AK9: variants seen among roughly 807,000 people sequenced by gnomAD.
The protein encoded by AK9 is adenylate kinase domain containing 1.
AK9 carries 191 observed loss-of-function variants against 239.6 expected under a neutral mutation model. That is an observed-to-expected ratio of 0.80 (90% CI 0.71 to 0.90). The LOEUF (loss-of-function observed/expected upper bound fraction) is 0.90, where lower values mean the gene tolerates loss of function less well. AK9 is among the 40% of genes least tolerant of loss of function. The pLI, the probability that AK9 is intolerant of heterozygous loss-of-function variation, is 0.00. For missense variants in AK9, 1,995 were observed against 2,214.7 expected (o/e 0.90, Z 1.99); for synonymous variants, 689 against 721.0 (o/e 0.96, Z 0.71).
At chr6:109,557,333 A>G (rs1437148841) in intron 24 of AK9, among the ~76,000 whole-genome samples, 1 of 151,976 alleles carries the variant, frequency 6.6e-6, no homozygotes, top group African/African-American at 2.4e-5. Flanking sequence ...TGTTACCGAG[A>G]GGGCTAGAGA....
intron 17 of AK9, among the ~76,000 whole-genome samples, chr6:109,599,136 T>C (rs1422083184): frequency 2.0e-5 from 3 of 152,360 alleles, no homozygotes; most frequent in African/African-American, 7.2e-5. Flanking sequence ...GTTTTAGACA[T>C]GAAGTCCTTG....
rs776339437 is a variant in AK9, at chr6:109,579,586, G to A, written c.2155C>T (p.Arg719Ter). ...EEELRLEEEN[R>*]RLLELMKVKA... Reference sequence around the variant, plus strand: ...ACTTTCATAAGTTCCAGTAGCCTTCGATTTTCTTCTTCGAGTCTCAATTCC... The same window carrying A: ...ACTTTCATAAGTTCCAGTAGCCTTCAATTTTCTTCTTCGAGTCTCAATTCC... The change falls in exon 20 of 41, where the codon CGA becomes TGA. Residue 719 changes from arginine (R) to a stop codon, truncating the protein, a stop_gained. Coordinates refer to ENST00000424296, the MANE Select transcript of AK9 (RefSeq NM_001145128.3). LOFTEE classifies it high-confidence loss of function. The A allele has an allele frequency of 5.2e-6, 8 of 1,551,270 alleles. No homozygotes were observed. In the East Asian group the frequency reaches 7.3e-5, roughly 14 times the overall value.
At chr6:109,650,390 A>G (rs567154619) in intron 8 of AK9, among the ~76,000 whole-genome samples, 10 of 151,620 alleles carry the variant, frequency 6.6e-5, no homozygotes, top group African/African-American at 1.9e-4. Context: ...AATTTACAAG[A>G]AAAAAAAACC....
At position 109,497,896 on chromosome 6, in the gene AK9, T is replaced by G. The variant is rs778297280; in HGVS notation, c.5116A>C (p.Ile1706Leu). The G allele has an allele frequency of 6.2e-7, 1 of 1,614,046 alleles. No homozygotes were observed. Among genetic ancestry groups the G allele is most frequent in the Non-Finnish European group, 8.5e-7 (1 of 1,179,972 alleles). ...TCTGACAGTGTCAGTCTTTTGGGGA[T>G]CATGTCAGCAGATGGGAGTGGATGA... Reference protein sequence around the residue: ...APHPLPSADMIPKRLTLSELK... With the variant: ...APHPLPSADMLPKRLTLSELK... Residue 1706 changes from isoleucine (I) to leucine (L), a missense_variant, in exon 37 of 41, where the codon ATC becomes CTC. Ile to Leu is a conservative substitution (Grantham distance 5, BLOSUM62 2). Around this residue, in one of 5 missense-constraint regions of AK9, gnomAD observed 391 missense variants for 456.0 expected, o/e 0.86. Transcript: ENST00000424296.
intron 12 of AK9, among the ~76,000 whole-genome samples, chr6:109,623,710 T>C (rs911400358): frequency 1.3e-5 from 2 of 152,220 alleles, no homozygotes; most frequent in South Asian, 2.1e-4. Flanking sequence ...ACATGGCAAA[T>C]ATATACTCAG....
chr6:109,539,792 C>T (rs1782598066), intron 27 of AK9, among the ~76,000 whole-genome samples: 1 of 152,048 alleles, frequency 6.6e-6, no homozygotes, highest in Non-Finnish European at 1.5e-5. Context: ...GTGTGGATGT[C>T]CTTTCTGTTT....
chr6:109,688,189 A>G (rs1190281706), intron 1 of AK9, among the ~76,000 whole-genome samples: 1 of 152,150 alleles, frequency 6.6e-6, no homozygotes, highest in Non-Finnish European at 1.5e-5. Context: ...GAGACAAAAC[A>G]TTCATTCAGT....
chr6:109,515,762 T>C lies in AK9; in HGVS notation c.4065+95A>G, dbSNP rs1779215917. On this transcript the variant is annotated intron_variant, in intron 31 of 40. Transcript: ENST00000424296. ...GAGACTACTACACAATACTTACAATTTTTGAAATTATCCAGTCTTTTTCCT... is the reference window on the plus strand; with the variant it reads ...GAGACTACTACACAATACTTACAATCTTTGAAATTATCCAGTCTTTTTCCT... 1.1e-5 allele frequency: 13 copies of C among 1,154,252 alleles called. No individual in the cohort carries two copies. The South Asian group carries it at 2.1e-4, about 18-fold the overall frequency. The allele number at this position is 1,154,252 out of a possible 1,614,324, so 71.5% of individuals were successfully genotyped here.
intron 24 of AK9, among the ~76,000 whole-genome samples, chr6:109,552,391 C>A (rs1164231701): frequency 6.6e-6 from 1 of 152,114 alleles, no homozygotes; most frequent in Non-Finnish European, 1.5e-5. Flanking sequence ...TTTTAATAAT[C>A]GCCATTTTGG....
At chr6:109,648,155 C>T (rs945274622) in intron 8 of AK9, among the ~76,000 whole-genome samples, 1 of 152,068 alleles carries the variant, frequency 6.6e-6, no homozygotes, top group African/African-American at 2.4e-5. Context: ...CTAAAATTGA[C>T]ACCCTAACAT....
intron 38 of AK9, 73 bp from the exon 39 acceptor site, chr6:109,495,513 A>T: frequency 1.9e-6 from 2 of 1,073,380 alleles, no homozygotes; most frequent in Non-Finnish European, 2.7e-6. Flanking sequence ...TAGACAAGAG[A>T]CTATTAGAAG....
At chr6:109,580,485 T>C (rs567447039) in intron 19 of AK9, among the ~76,000 whole-genome samples, 158 of 152,300 alleles carry the variant, frequency 1.0e-3, no homozygotes, top group Middle Eastern at 3.4e-3. Flanking sequence ...CTTTAAAAAA[T>C]TTTAACAAAA....
intron 13 of AK9, among the ~76,000 whole-genome samples, chr6:109,617,267 G>A (rs1794288125): frequency 6.6e-6 from 1 of 152,034 alleles, no homozygotes; most frequent in Non-Finnish European, 1.5e-5. Context: ...TGTAGAACTT[G>A]AGAAAAATTC....
rs73523142 is a variant in AK9 at position 109,541,026 on chromosome 6, C to G, written c.3350+1021G>C. 2.8e-3 allele frequency among the ~76,000 whole-genome samples: 421 copies of G among 152,298 alleles called. 5 individuals carry two copies. Among genetic ancestry groups the G allele is most frequent in the African/African-American group, 9.8e-3 (409 of 41,558 alleles). Reference sequence around the variant, plus strand: ...ACCTGTTAGAGACCTTTGGCCCTCTCCCCTGGCTCCCTCTTCCTTCTTACA... The same window carrying G: ...ACCTGTTAGAGACCTTTGGCCCTCTGCCCTGGCTCCCTCTTCCTTCTTACA... On this transcript the variant is annotated intron_variant, in intron 27 of 40. Coordinates refer to ENST00000424296, the MANE Select transcript of AK9 (RefSeq NM_001145128.3).
chr6:109,523,544 A>G (rs1036561528), intron 29 of AK9, among the ~76,000 whole-genome samples: 6 of 152,178 alleles, frequency 3.9e-5, no homozygotes, highest in African/African-American at 1.2e-4. Context: ...AATTTGGAGG[A>G]AGCAACTGGC....
chr6:109,514,839 G>A (rs969809837), intron 31 of AK9, among the ~76,000 whole-genome samples: 2 of 152,148 alleles, frequency 1.3e-5, no homozygotes, highest in Non-Finnish European at 2.9e-5. Flanking sequence ...CTCAATTTCT[G>A]TTTGAGGCCC....
chr6:109,644,220 T>A (rs1326999537), intron 9 of AK9, among the ~76,000 whole-genome samples: 1 of 152,198 alleles, frequency 6.6e-6, no homozygotes. Context: ...TTTCTCCACA[T>A]CCTCACCAAC....
intron 6 of AK9, among the ~76,000 whole-genome samples, chr6:109,661,460 TG>T (rs762671774): frequency 2.0e-5 from 3 of 152,214 alleles, no homozygotes; most frequent in Non-Finnish European, 4.4e-5. Context: ...TCTTCTGGCC[TG>T]CACAACTGTG....
At chr6:109,664,090 T>C (rs1159064037) in intron 5 of AK9, among the ~76,000 whole-genome samples, 2 of 152,250 alleles carry the variant, frequency 1.3e-5, no homozygotes, top group African/African-American at 2.4e-5. Context: ...AAATTATCTT[T>C]CATAAAATAT....
Sources: allele counts gnomAD v4.1 joint callset (sites outside exome capture counted in the v4.1 genomes callset), GRCh38; gene constraint gnomAD v4.1.1; regional missense constraint gnomAD v4.1.1; transcripts MANE v1.5; gene names NCBI Gene and HGNC (gene_info 2026-07-23, HGNC 2026-07-21).